Variants in MRPL1 observed in about 807,000 individuals in gnomAD.
MRPL1 encodes mitochondrial ribosomal protein L1.
MRPL1 carries 28 observed loss-of-function variants against 38.0 expected under a neutral mutation model. The ratio of observed to expected loss-of-function variants is 0.74; its 90% CI spans 0.55 to 1.01. The LOEUF is 1.01. Ranked by LOEUF, MRPL1 falls within the 50% of genes least tolerant of loss-of-function variation. The probability of loss-of-function intolerance (pLI) is 0.00; values close to 1 mark genes in which losing one functional copy is unlikely to be tolerated. For synonymous variants in MRPL1, 123 were observed against 126.7 expected, an observed-to-expected ratio of 0.97 and a Z score of 0.20; for missense variants, 358 against 389.8, an observed-to-expected ratio of 0.92 and a Z score of 0.69.
chr4:77,941,395 G>A (rs1427033755), intron 7 of MRPL1, among the ~76,000 whole-genome samples: 1 of 152,156 alleles, frequency 6.6e-6, no homozygotes, highest in African/African-American at 2.4e-5. Context: ...AACAATTTAG[G>A]GAAGATTCCC....
chr4:77,873,223 C>T (rs1281620615), intron 2 of MRPL1, among the ~76,000 whole-genome samples: 1 of 152,188 alleles, frequency 6.6e-6, no homozygotes, highest in Non-Finnish European at 1.5e-5. Context: ...AATTTCACAA[C>T]ACTCTGTGAA....
In MRPL1 at chr4:77,909,366, A is replaced by G. The variant is rs1736234339; in HGVS notation, c.771A>G (p.Ile257Met). The part of the protein sequence containing the change: ...EERENFLQTK[I>M]ATLDMSSDQI... The stretch of plus-strand genomic sequence containing the variant: ...GGGAGAACTTTCTCCAGACCAAAAT[A>G]GCAACAGTAAGTTACAATGAAAATT... The change falls in exon 7 of 9, where the codon ATA becomes ATG. Residue 257 changes from isoleucine to methionine, a missense_variant. Ile to Met is a conservative substitution (Grantham distance 10). Coordinates refer to ENST00000315567, the MANE Select transcript of MRPL1 (RefSeq NM_020236.4). 1 of 1,530,744 alleles carries G rather than the reference A, an allele frequency of 6.5e-7. No homozygotes were observed. Among genetic ancestry groups the G allele is most frequent in the East Asian group, 2.3e-5 (1 of 44,254 alleles). 94.8% of individuals were successfully genotyped at this position (1,530,744 alleles called of 1,614,324 possible). A position where few individuals can be genotyped will look rare whatever the true frequency, so the allele number is the denominator to read the frequency against.
chr4:77,883,782 TG>T (rs1299072721), intron 3 of MRPL1, among the ~76,000 whole-genome samples: 2 of 152,114 alleles, frequency 1.3e-5, no homozygotes, highest in Non-Finnish European at 2.9e-5. Flanking sequence ...TTCCCCATTT[TG>T]CCCAGGCTGG....
At chr4:77,902,303 G>C (rs1454774137) in intron 6 of MRPL1, among the ~76,000 whole-genome samples, 1 of 150,150 alleles carries the variant, frequency 6.7e-6, no homozygotes, top group Non-Finnish European at 1.5e-5. Context: ...GTGGCTAGGA[G>C]TTCAGGGTGG....
chr4:77,864,778 G>A, intron 1 of MRPL1: 1 of 152,080 alleles, frequency 6.6e-6, no homozygotes, highest in Non-Finnish European at 1.5e-5. Context: ...CACATCGGAG[G>A]TTCATTAAAG....
At chr4:77,942,272 T>C (rs956109959) in intron 7 of MRPL1, among the ~76,000 whole-genome samples, 3 of 152,214 alleles carry the variant, frequency 2.0e-5, no homozygotes, top group African/African-American at 7.2e-5. Flanking sequence ...AGACTTGTTT[T>C]ATGGCCTATC....
In MRPL1 at chr4:77,898,814, G is replaced by GTT. The variant is rs140771801; in HGVS notation, c.670+4573_670+4574dup. On this transcript the variant is annotated intron_variant, in intron 6 of 8. Coordinates refer to ENST00000315567, the MANE Select transcript of MRPL1 (RefSeq NM_020236.4). Reference sequence around the variant, plus strand: ...CAGCTTGGACTATATACAATTTATAGTTTTTTTTTTATCAGAATAATTGTA... The same window carrying GTT: ...CAGCTTGGACTATATACAATTTATAGTTTTTTTTTTTTATCAGAATAATTGTA... Among the ~76,000 whole-genome samples, 14 of 149,146 alleles carry GTT rather than the reference G, an allele frequency of 9.4e-5. 1 individual carries two copies. The highest frequency in any genetic ancestry group is 2.0e-4 in the East Asian group (1 of 5,078).
chr4:77,910,721 C>G (rs1560467908), intron 7 of MRPL1, among the ~76,000 whole-genome samples: 1 of 152,258 alleles, frequency 6.6e-6, no homozygotes, highest in Middle Eastern at 3.4e-3. Context: ...TGCCACCATG[C>G]TAGGCTTCTC....
At chr4:77,923,736 G>T (rs1736643857) in intron 7 of MRPL1, among the ~76,000 whole-genome samples, 1 of 151,918 alleles carries the variant, frequency 6.6e-6, no homozygotes, top group African/African-American at 2.4e-5. Context: ...AGGAGTTCAA[G>T]ACCAGCCTGG....
At chr4:77,940,166 A>G (rs1184709230) in intron 7 of MRPL1, among the ~76,000 whole-genome samples, 1 of 152,138 alleles carries the variant, frequency 6.6e-6, no homozygotes, top group Non-Finnish European at 1.5e-5. Flanking sequence ...GATTCTTCCC[A>G]TCCATGAGCA....
chr4:77,883,264 G>T lies in MRPL1; in HGVS notation c.166G>T (p.Gly56Cys), dbSNP rs1278573050. 1 of 1,570,434 alleles carries T rather than the reference G, an allele frequency of 6.4e-7. No individual in the cohort carries two copies. Among genetic ancestry groups the T allele is most frequent in the South Asian group, 1.2e-5 (1 of 82,428 alleles). ...ATKSAKKTKK[G>C]AKEKTPDEKK... ...AAGGTCTGCAAAGAAAACAAAAAAA[G>T]GTGCTAAAGAAAAAACACCAGATGA... The change falls in exon 3 of 9, where the codon GGT becomes TGT. Residue 56 changes from glycine to cysteine, a missense_variant. Coordinates refer to ENST00000315567, the MANE Select transcript of MRPL1 (RefSeq NM_020236.4).
At chr4:77,869,970 C>T (rs1372964091) in intron 1 of MRPL1, among the ~76,000 whole-genome samples, 3 of 152,104 alleles carry the variant, frequency 2.0e-5, no homozygotes, top group Non-Finnish European at 4.4e-5. Context: ...GCAGCCTCAA[C>T]TTTCCTGGCT....
At chr4:77,923,242 C>T (rs1040165944) in intron 7 of MRPL1, among the ~76,000 whole-genome samples, 17 of 151,748 alleles carry the variant, frequency 1.1e-4, no homozygotes, top group African/African-American at 2.2e-4. Flanking sequence ...ATTATAGGTG[C>T]GCACCACCAT....
rs762870633 is a variant in MRPL1 at position 77,883,375 on chromosome 4, C to G, written c.277C>G (p.Pro93Ala). ...EDDVYLKRLY[P>A]RQIYEVEKAV... ...TGATGTCTATTTAAAACGCTTATAC[C>G]CGAGACAGATATATGAGGTGGAGAA... The change falls in exon 3 of 9, where the codon CCG (proline) becomes GCG (alanine). Residue 93 changes from proline (P) to alanine (A), a missense_variant. Coordinates refer to ENST00000315567, the MANE Select transcript of MRPL1 (RefSeq NM_020236.4). 15 of 1,613,500 alleles carry G rather than the reference C, an allele frequency of 9.3e-6. No homozygotes were observed. Among genetic ancestry groups the G allele is most frequent in the Non-Finnish European group, 1.1e-5 (13 of 1,179,882 alleles).
chr4:77,940,224 GTGTTT>G (rs994271901), intron 7 of MRPL1, among the ~76,000 whole-genome samples: 4 of 152,102 alleles, frequency 2.6e-5, no homozygotes, highest in African/African-American at 4.8e-5. Flanking sequence ...TCTTTCAGCA[GTGTTT>G]TGTAGTTTTC....
intron 5 of MRPL1, among the ~76,000 whole-genome samples, chr4:77,891,530 A>G (rs1338939876): frequency 6.6e-6 from 1 of 151,664 alleles, no homozygotes; most frequent in Non-Finnish European, 1.5e-5. Context: ...TAATTTTTGT[A>G]TTTTTAGTAG....
chr4:77,933,695 C>T lies in MRPL1; in HGVS notation c.778-16102C>T, dbSNP rs146867153. On this transcript the variant is annotated intron_variant, in intron 7 of 8. Coordinates refer to ENST00000315567, the MANE Select transcript of MRPL1 (RefSeq NM_020236.4). The stretch of plus-strand genomic sequence containing the variant: ...TGGAATTCCAGAAGGAAAGAAGAAG[C>T]GTGGTACAGAAAATTACTTAAAGAA... Among the ~76,000 whole-genome samples, 24 of 152,224 alleles carry T rather than the reference C, an allele frequency of 1.6e-4. No individual in the cohort carries two copies. The East Asian group carries it at 3.9e-3, about 24-fold the overall frequency.
intron 6 of MRPL1, among the ~76,000 whole-genome samples, chr4:77,898,257 CT>C (rs1360454521): frequency 6.6e-6 from 1 of 151,754 alleles, no homozygotes; most frequent in East Asian, 1.9e-4. Context: ...CTCTTAGCAT[CT>C]TTTTTTTGTG....
At chr4:77,894,338 G>A (rs187716935) in intron 6 of MRPL1, 88 bp downstream of exon 6, 17 of 789,660 alleles carry the variant, frequency 2.2e-5, no homozygotes, top group African/African-American at 8.8e-5. Context: ...TCATGTATGC[G>A]TAGAATAAAT....
Sources: allele counts gnomAD v4.1 joint callset (sites outside exome capture counted in the v4.1 genomes callset), GRCh38; gene constraint gnomAD v4.1.1; transcripts MANE v1.5; gene names NCBI Gene and HGNC (gene_info 2026-07-23, HGNC 2026-07-21).